RBFOX3: variants seen among roughly 807,000 people sequenced by gnomAD.
The protein encoded by RBFOX3 is RNA binding fox-1 homolog 3, also known as RNA binding protein fox-1 homolog 3.
A neutral mutation model predicts 48.7 loss-of-function variants in RBFOX3; 17 were observed. The observed-to-expected ratio is 0.35, with a 90% CI of 0.24 to 0.52. The LOEUF (loss-of-function observed/expected upper bound fraction) is 0.52. Ranked by LOEUF, RBFOX3 falls within the 20% of genes least tolerant of loss-of-function variation. The pLI, the probability that RBFOX3 is intolerant of heterozygous loss-of-function variation, is 0.94. For synonymous variants in RBFOX3, 212 were observed against 209.5 expected, an observed-to-expected ratio of 1.01 and a Z score of -0.10; for missense variants, 382 against 497.5, an observed-to-expected ratio of 0.77 and a Z score of 2.21.
intron 4 of RBFOX3, among the ~76,000 whole-genome samples, chr17:79,175,577 G>A (rs1198931985): frequency 6.6e-6 from 1 of 152,220 alleles, no homozygotes; most frequent in Non-Finnish European, 1.5e-5. Context: ...GCGGTCCAGG[G>A]CCTGGCAGAC....
chr17:79,151,254 T>C (rs1320580418), intron 4 of RBFOX3, among the ~76,000 whole-genome samples: 1 of 150,782 alleles, frequency 6.6e-6, no homozygotes, highest in East Asian at 2.0e-4. Flanking sequence ...AGACACACAG[T>C]CCAGGGGGAG....
chr17:79,153,262 C>T (rs2045011389), intron 4 of RBFOX3, among the ~76,000 whole-genome samples: 1 of 152,224 alleles, frequency 6.6e-6, no homozygotes, highest in Non-Finnish European at 1.5e-5. Flanking sequence ...CACCCCATTT[C>T]CCTGCACCCT....
chr17:79,290,207 A>G (rs2072968185), intron 3 of RBFOX3, among the ~76,000 whole-genome samples: 1 of 152,056 alleles, frequency 6.6e-6, no homozygotes, highest in Non-Finnish European at 1.5e-5. Context: ...AGGAGGCATC[A>G]TAGAGCCTTG....
At chr17:79,638,410 A>C in the RBFOX3 span, among the ~76,000 whole-genome samples, 1 of 152,196 alleles carries the variant, frequency 6.6e-6, no homozygotes, top group Admixed American at 6.5e-5. Context: ...AGAGGTATTA[A>C]AATGAATGTC....
intron 4 of RBFOX3, among the ~76,000 whole-genome samples, chr17:79,137,792 T>G (rs1426298370): frequency 1.3e-5 from 2 of 152,230 alleles, no homozygotes; most frequent in African/African-American, 4.8e-5. Flanking sequence ...ATGAAGTTTT[T>G]GGGTCTGCTC....
chr17:79,458,549 C>A (rs1160395678), intron 2 of RBFOX3, among the ~76,000 whole-genome samples: 1 of 151,554 alleles, frequency 6.6e-6, no homozygotes, highest in Non-Finnish European at 1.5e-5. Context: ...AGTTGAGATA[C>A]GGAACTGCTG....
Position 79,473,563 on chromosome 17 carries a change from T to C in RBFOX3, c.-175+8891A>G, listed in dbSNP as rs1476007000. Among the ~76,000 whole-genome samples, 1 of 152,164 alleles carries C rather than the reference T, an allele frequency of 6.6e-6. No homozygotes were observed. Among genetic ancestry groups the C allele is most frequent in the African/African-American group, 2.4e-5 (1 of 41,436 alleles). ...CACAAGAAGTTGTGTTACGAGTGTA[T>C]TATTTGATCTTTGTTGAACTTGGGT... On this transcript the variant is annotated intron_variant, in intron 2 of 14. Coordinates refer to ENST00000693108, the MANE Select transcript of RBFOX3 (RefSeq NM_001350451.2). This position sits in a 1 kb window ranked among gnomAD's most constrained non-coding sequence, Gnocchi z 4.2.
chr17:79,387,114 T>C (rs1169077526), intron 2 of RBFOX3, among the ~76,000 whole-genome samples: 2 of 152,200 alleles, frequency 1.3e-5, no homozygotes, highest in Admixed American at 6.5e-5. Flanking sequence ...CAGGGCTCCC[T>C]GGGGTCCCTC....
At chr17:79,413,072 T>G (rs552268681) in intron 2 of RBFOX3, among the ~76,000 whole-genome samples, 1 of 152,242 alleles carries the variant, frequency 6.6e-6, no homozygotes, top group East Asian at 1.9e-4. Flanking sequence ...TCCCAAAAGG[T>G]TCTGCTGGTT....
At chr17:79,256,857 G>T (rs1186334744) in intron 3 of RBFOX3, among the ~76,000 whole-genome samples, 2 of 152,092 alleles carry the variant, frequency 1.3e-5, no homozygotes, top group Non-Finnish European at 2.9e-5. Flanking sequence ...GGGAGGTGGA[G>T]GTTGCAGTGA....
chr17:79,261,333 G>A lies in RBFOX3; in HGVS notation c.-73-25528C>T, dbSNP rs1317713459. Reference sequence around the variant, plus strand: ...TGTGAGTAAATGAAGGAGGGGGCACGAGCACCCCGAAGCCACATGCACAGG... The same window carrying A: ...TGTGAGTAAATGAAGGAGGGGGCACAAGCACCCCGAAGCCACATGCACAGG... On this transcript the variant is annotated intron_variant, in intron 3 of 14. Coordinates refer to ENST00000693108, the MANE Select transcript of RBFOX3 (RefSeq NM_001350451.2). 2.0e-5 allele frequency among the ~76,000 whole-genome samples: 3 copies of A among 152,328 alleles called. No individual in the cohort carries two copies. The South Asian group carries it at 6.2e-4, about 32-fold the overall frequency.
chr17:79,498,334 C>T (rs1210354700), intron 1 of RBFOX3, among the ~76,000 whole-genome samples: 1 of 152,144 alleles, frequency 6.6e-6, no homozygotes, highest in African/African-American at 2.4e-5. Context: ...GGAAGACCTC[C>T]CAAAACCAGT....
rs139283825 is a variant in RBFOX3 at position 79,169,334 on chromosome 17, T to C, written c.-33-53586A>G. 1.3e-3 allele frequency among the ~76,000 whole-genome samples: 201 copies of C among 152,134 alleles called. 1 individual carries two copies. Among genetic ancestry groups the C allele is most frequent in the African/African-American group, 4.2e-3 (176 of 41,510 alleles). ...TGCTGGGGTAGCGGTGAGGATTCCA[T>C]ATAGGGGAAGGGCAGGGAACACCCC... On this transcript the variant is annotated intron_variant, in intron 4 of 14. Coordinates refer to ENST00000693108, the MANE Select transcript of RBFOX3 (RefSeq NM_001350451.2).
intron 2 of RBFOX3, among the ~76,000 whole-genome samples, chr17:79,466,732 GC>G (rs1297135450): frequency 2.0e-5 from 3 of 152,226 alleles, no homozygotes; most frequent in African/African-American, 7.2e-5. Flanking sequence ...AGGCGCCGTT[GC>G]CAGCCTTGGT....
At chr17:79,597,630 C>T (rs1218011393) in intron 1 of RBFOX3, among the ~76,000 whole-genome samples, 10 of 152,232 alleles carry the variant, frequency 6.6e-5, no homozygotes, top group African/African-American at 2.2e-4. Flanking sequence ...CCTGTCACTA[C>T]AGCCCGACAC....
In RBFOX3 at chr17:79,363,441, C is replaced by T. The variant is rs1387781659; in HGVS notation, c.-174-55617G>A. ...TTCCCAGGCCTGGTCACCTCCACCC[C>T]AGACTTCCAAACTCTTCTGTCTGGC... On this transcript the variant is annotated intron_variant, in intron 2 of 14. Coordinates refer to ENST00000693108, the MANE Select transcript of RBFOX3 (RefSeq NM_001350451.2). The surrounding 1 kb of genome is among the most constrained non-coding windows in gnomAD (Gnocchi z 4.7). Among the ~76,000 whole-genome samples, 1 of 152,078 alleles carries T rather than the reference C, an allele frequency of 6.6e-6. No individual in the cohort carries two copies. Among genetic ancestry groups the T allele is most frequent in the East Asian group, 1.9e-4 (1 of 5,184 alleles).
chr17:79,664,214 G>A, the RBFOX3 span, among the ~76,000 whole-genome samples: 1 of 150,242 alleles, frequency 6.7e-6, no homozygotes, highest in African/African-American at 2.5e-5. Context: ...TCACTCTGTT[G>A]CCCAGGCTAG....
At chr17:79,385,044 C>T (rs150527537) in intron 2 of RBFOX3, among the ~76,000 whole-genome samples, 3 of 152,364 alleles carry the variant, frequency 2.0e-5, no homozygotes, top group Non-Finnish European at 4.4e-5. Flanking sequence ...GTGGGACCAA[C>T]ATTTCCCGGC....
chr17:79,185,576 T>G (rs1202514455), intron 4 of RBFOX3, among the ~76,000 whole-genome samples: 1 of 152,186 alleles, frequency 6.6e-6, no homozygotes, highest in Admixed American at 6.5e-5. Flanking sequence ...ACCACTGCCC[T>G]GCTGCACCTT....
Sources: allele counts gnomAD v4.1 joint callset (sites outside exome capture counted in the v4.1 genomes callset), GRCh38; gene constraint gnomAD v4.1.1; non-coding constraint Gnocchi (gnomAD v3.1); transcripts MANE v1.5; gene names NCBI Gene and HGNC (gene_info 2026-07-23, HGNC 2026-07-21).